ST18: variants seen among roughly 807,000 people sequenced by gnomAD.
The protein encoded by ST18 is suppression of tumorigenicity 18 protein.
ST18 carries 50 observed loss-of-function variants against 110.0 expected under a neutral mutation model. That is an observed-to-expected ratio of 0.45 (90% CI 0.36 to 0.58). The LOEUF (loss-of-function observed/expected upper bound fraction) is 0.58. Ranked by LOEUF, ST18 falls within the 20% of genes least tolerant of loss-of-function variation. The pLI, the probability that ST18 is intolerant of heterozygous loss-of-function variation, is 0.00. For synonymous variants in ST18, 461 were observed against 452.4 expected (o/e 1.02, Z -0.24); for missense variants, 1,306 against 1,280.1 (o/e 1.02, Z -0.31).
At chr8:52,383,535 G>GCCTCC (rs1378506350) in intron 2 of ST18, among the ~76,000 whole-genome samples, 1 of 150,534 alleles carries the variant, frequency 6.6e-6, no homozygotes, top group Non-Finnish European at 1.5e-5. Context: ...TGCAACCTCT[G>GCCTCC]CCTCCCGGGT....
At chr8:52,214,742 C>A (rs1253668952) in intron 6 of ST18, among the ~76,000 whole-genome samples, 1 of 152,054 alleles carries the variant, frequency 6.6e-6, no homozygotes, top group Non-Finnish European at 1.5e-5. Context: ...TCAAATGCCC[C>A]CAGAAAATAC....
intron 2 of ST18, among the ~76,000 whole-genome samples, chr8:52,230,694 G>C (rs554636997): frequency 6.6e-6 from 1 of 152,192 alleles, no homozygotes; most frequent in South Asian, 2.1e-4. Context: ...ATTCTCATGT[G>C]TTTCCACGCT....
intron 2 of ST18, chr8:52,249,283 C>G (rs1042929119): frequency 6.6e-6 from 1 of 152,208 alleles, no homozygotes; most frequent in Non-Finnish European, 1.5e-5. Context: ...TGTGGAGAAA[C>G]GGACTTTCAG....
chr8:52,126,244 A>C, intron 22 of ST18, 104 bp from the exon 23 acceptor site: 1 of 1,102,722 alleles, frequency 9.1e-7, no homozygotes, highest in South Asian at 1.5e-5. Context: ...GCTGCCGATT[A>C]ATTACATTAT....
intron 2 of ST18, among the ~76,000 whole-genome samples, chr8:52,354,798 G>A (rs1490323183): frequency 6.6e-6 from 1 of 152,226 alleles, no homozygotes; most frequent in Non-Finnish European, 1.5e-5. Context: ...AGAGCCTCAA[G>A]CTTTAGACTG....
At chr8:52,283,534 A>G (rs1027130787) in intron 2 of ST18, among the ~76,000 whole-genome samples, 1 of 152,210 alleles carries the variant, frequency 6.6e-6, no homozygotes, top group African/African-American at 2.4e-5. Context: ...GTTAAAAAAA[A>G]GAAAGACACT....
chr8:52,175,461 C>T (rs1256926747), intron 9 of ST18, among the ~76,000 whole-genome samples: 7 of 152,116 alleles, frequency 4.6e-5, no homozygotes, highest in Admixed American at 3.3e-4. Flanking sequence ...GCACGATATG[C>T]GATGTGGAGG....
At position 52,209,002 on chromosome 8, in the gene ST18, G is replaced by A. The variant is rs577935105; in HGVS notation, c.86+3077C>T. Among the ~76,000 whole-genome samples the A allele has an allele frequency of 2.6e-5, 4 of 152,204 alleles. No homozygotes were observed. The East Asian group carries it at 7.7e-4, about 29-fold the overall frequency. On this transcript the variant is annotated intron_variant, in intron 8 of 25. Transcript: ENST00000689386. ...TTAATGATGTTTATAAATTTTCCCA[G>A]CAAGTATCATTAGCTTTCTGAGTTA...
chr8:52,169,530 T>C (rs745444266), intron 10 of ST18, among the ~76,000 whole-genome samples: 1 of 152,186 alleles, frequency 6.6e-6, no homozygotes, highest in Admixed American at 6.5e-5. Flanking sequence ...ATTTTAAAAC[T>C]CTTGAGTTTT....
chr8:52,359,550 A>C (rs1289457882), intron 2 of ST18, among the ~76,000 whole-genome samples: 1 of 152,116 alleles, frequency 6.6e-6, no homozygotes, highest in African/African-American at 2.4e-5. Flanking sequence ...TTGAGTACAA[A>C]ATCACGAACT....
chr8:52,351,010 G>A (rs1340215097), intron 2 of ST18, among the ~76,000 whole-genome samples: 9 of 152,076 alleles, frequency 5.9e-5, no homozygotes, highest in African/African-American at 1.7e-4. Flanking sequence ...GTGAGCCACC[G>A]TGCCTGGCCG....
At chr8:52,254,683 A>G (rs1399169245) in intron 2 of ST18, among the ~76,000 whole-genome samples, 2 of 152,104 alleles carry the variant, frequency 1.3e-5, no homozygotes, top group African/African-American at 4.8e-5. Flanking sequence ...GGCAACAACA[A>G]CCTAAAATAT....
At chr8:52,265,698 G>T (rs1346074606) in intron 2 of ST18, among the ~76,000 whole-genome samples, 2 of 152,200 alleles carry the variant, frequency 1.3e-5, no homozygotes, top group Admixed American at 1.3e-4. Flanking sequence ...GAAACTGAAA[G>T]AAATGTCCTG....
At chr8:52,257,356 C>G (rs572917652) in intron 2 of ST18, among the ~76,000 whole-genome samples, 1 of 152,274 alleles carries the variant, frequency 6.6e-6, no homozygotes, top group Admixed American at 6.5e-5. Context: ...TGAGGAACTG[C>G]TAAATAGTTT....
At chr8:52,314,147 C>T (rs1300584242) in intron 2 of ST18, among the ~76,000 whole-genome samples, 2 of 152,210 alleles carry the variant, frequency 1.3e-5, no homozygotes, top group Non-Finnish European at 2.9e-5. Context: ...CTGAGGCTCT[C>T]CTGCCCTGTC....
At chr8:52,325,538 G>A (rs1805923702) in intron 2 of ST18, among the ~76,000 whole-genome samples, 1 of 151,840 alleles carries the variant, frequency 6.6e-6, no homozygotes, top group South Asian at 2.1e-4. Flanking sequence ...ATTAGAACAA[G>A]GTATCTATGT....
chr8:52,323,353 G>T (rs1356606562), intron 2 of ST18, among the ~76,000 whole-genome samples: 1 of 152,134 alleles, frequency 6.6e-6, no homozygotes, highest in African/African-American at 2.4e-5. Context: ...CACCATATAG[G>T]GACTTTAAGG....
chr8:52,268,841 A>G (rs1423958576), intron 2 of ST18, among the ~76,000 whole-genome samples: 1 of 152,208 alleles, frequency 6.6e-6, no homozygotes, highest in African/African-American at 2.4e-5. Context: ...CCTGTTACAC[A>G]GCTCACAGCA....
intron 2 of ST18, among the ~76,000 whole-genome samples, chr8:52,366,704 C>A (rs1354118206): frequency 1.3e-5 from 2 of 152,188 alleles, no homozygotes; most frequent in Non-Finnish European, 2.9e-5. Context: ...TCCTCACCAG[C>A]CACTTCCTTA....
Sources: allele counts gnomAD v4.1 joint callset (sites outside exome capture counted in the v4.1 genomes callset), GRCh38; gene constraint gnomAD v4.1.1; transcripts MANE v1.5; gene names NCBI Gene and HGNC (gene_info 2026-07-23, HGNC 2026-07-21).